PALLD: variants seen among roughly 807,000 people sequenced by gnomAD.
PALLD encodes palladin, cytoskeletal associated protein.
In PALLD, 61 loss-of-function variants were observed where a neutral mutation model predicts 123.5. The observed-to-expected ratio is 0.49, with a 90% confidence interval of 0.40 to 0.61. PALLD has a LOEUF of 0.61. Among genes scored for constraint, PALLD ranks in the 20% least tolerant of loss-of-function variants. The pLI is 0.00. For synonymous variants in PALLD, 465 were observed against 496.4 expected, an observed-to-expected ratio of 0.94 and a Z score of 0.84; for missense variants, 1,273 against 1,377.0, an observed-to-expected ratio of 0.92 and a Z score of 1.20.
chr4:168,499,553 T>TAAAG (rs1487857560), intron 1 of PALLD, among the ~76,000 whole-genome samples: 3 of 151,904 alleles, frequency 2.0e-5, no homozygotes, highest in African/African-American at 7.3e-5. Context: ...AATATGAAAA[T>TAAAG]AAAACTGCTA....
intron 2 of PALLD, among the ~76,000 whole-genome samples, chr4:168,519,077 A>G (rs949570943): frequency 6.6e-5 from 10 of 152,260 alleles, no homozygotes; most frequent in African/African-American, 2.4e-4. Context: ...TTACATGGAC[A>G]GATGTTTGCA....
At chr4:168,896,727 GT>G in intron 13 of PALLD, 128 bp downstream of exon 13, 1 of 624,094 alleles carries the variant, frequency 1.6e-6, no homozygotes, top group Non-Finnish European at 2.8e-6. Context: ...ACCAGTGTCT[GT>G]TTCATTTAAT....
At chr4:168,540,125 C>T (rs1163279103) in intron 2 of PALLD, among the ~76,000 whole-genome samples, 1 of 152,178 alleles carries the variant, frequency 6.6e-6, no homozygotes, top group Non-Finnish European at 1.5e-5. Context: ...ATGACCAAGT[C>T]ATCCCAGTCT....
At chr4:168,633,342 C>A (rs1186619328) in intron 2 of PALLD, among the ~76,000 whole-genome samples, 2 of 152,196 alleles carry the variant, frequency 1.3e-5, no homozygotes, top group Non-Finnish European at 2.9e-5. Context: ...TATGAGCATG[C>A]ATTTGAGCTT....
chr4:168,886,889 C>T (rs1753405395), intron 10 of PALLD, among the ~76,000 whole-genome samples: 2 of 151,892 alleles, frequency 1.3e-5, no homozygotes, highest in Non-Finnish European at 2.9e-5. Context: ...GAGGCCGAGG[C>T]GGGCGGATCA....
At chr4:168,881,867 G>A (rs939362147) in intron 10 of PALLD, among the ~76,000 whole-genome samples, 1 of 152,174 alleles carries the variant, frequency 6.6e-6, no homozygotes, top group African/African-American at 2.4e-5. Flanking sequence ...ATTTGGCAGT[G>A]CCGACAGGCA....
chr4:168,646,216 G>A (rs1227973781), intron 2 of PALLD, among the ~76,000 whole-genome samples: 1 of 152,194 alleles, frequency 6.6e-6, no homozygotes, highest in East Asian at 1.9e-4. Flanking sequence ...TGCTATGCCT[G>A]CTGCCTCCCA....
At chr4:168,573,155 T>C (rs1285837316) in intron 2 of PALLD, among the ~76,000 whole-genome samples, 1 of 151,614 alleles carries the variant, frequency 6.6e-6, no homozygotes, top group Non-Finnish European at 1.5e-5. Flanking sequence ...CCTGTGCATT[T>C]CCAGTTCCTT....
intron 10 of PALLD, among the ~76,000 whole-genome samples, chr4:168,726,215 G>A (rs1448046112): frequency 6.6e-6 from 1 of 152,130 alleles, no homozygotes; most frequent in Non-Finnish European, 1.5e-5. Context: ...GAAATGTTAG[G>A]AATTTTTTAT....
rs200145539 is a variant in PALLD at position 168,511,857 on chromosome 4, C to G, written c.353C>G (p.Ser118Ter). Residue 118 changes from serine (S) to a stop codon, truncating the protein, a stop_gained, in exon 2 of 22, where the codon TCA becomes TGA. Coordinates refer to ENST00000505667, the MANE Select transcript of PALLD (RefSeq NM_001166108.2). LOFTEE classifies it high-confidence loss of function. ...KQTKSISSPVSKRKPAMSPLL... is the reference protein window; with the variant it reads ...KQTKSISSPV Reference sequence around the variant, plus strand: ...ACTAAGAGTATCTCTTCACCTGTTTCAAAGAGGAAACCTGCCATGTCACCC... The same window carrying G: ...ACTAAGAGTATCTCTTCACCTGTTTGAAAGAGGAAACCTGCCATGTCACCC... 30 of 1,613,972 alleles carry G rather than the reference C, an allele frequency of 1.9e-5. No homozygotes were observed. Among genetic ancestry groups the G allele is most frequent in the Non-Finnish European group, 2.5e-5 (29 of 1,179,986 alleles).
Position 168,685,439 on chromosome 4 carries a change from C to G in PALLD, c.1261-46C>G, listed in dbSNP as rs1351744196. ...AGGTTTCTTCAGCCCATCTTTTAGG[C>G]AATTTATATATTTAGAATTTGATCC... On this transcript the variant is annotated intron_variant, in intron 5 of 21. Transcript: ENST00000505667. 4 of 1,244,652 alleles carry G rather than the reference C, an allele frequency of 3.2e-6. No homozygotes were observed. The East Asian group carries it at 9.3e-5, about 29-fold the overall frequency. The allele number at this position is 1,244,652 out of a possible 1,614,324, so 77.1% of individuals were successfully genotyped here. A position where few individuals can be genotyped will look rare whatever the true frequency, so the allele number is the denominator to read the frequency against.
intron 2 of PALLD, among the ~76,000 whole-genome samples, chr4:168,558,433 C>T (rs980382643): frequency 2.0e-5 from 3 of 152,160 alleles, no homozygotes; most frequent in Admixed American, 1.3e-4. Flanking sequence ...GTAGAGGTGG[C>T]CCTTCCTCCA....
chr4:168,562,097 TAA>T (rs11424900), intron 2 of PALLD, among the ~76,000 whole-genome samples: 5 of 145,038 alleles, frequency 3.4e-5, no homozygotes, highest in Non-Finnish European at 4.6e-5. Flanking sequence ...GTCACAAGGA[TAA>T]AAAAAAAAAA....
At chr4:168,612,496 G>A (rs963505851) in intron 2 of PALLD, among the ~76,000 whole-genome samples, 7 of 152,176 alleles carry the variant, frequency 4.6e-5, no homozygotes, top group African/African-American at 1.7e-4. Flanking sequence ...AATCTGTCCA[G>A]CAGCTGAACA....
At chr4:168,741,343 TTTTTTGTGTG>T (rs67709769) in intron 10 of PALLD, among the ~76,000 whole-genome samples, 49,921 of 112,540 alleles carry the variant, frequency 0.44, 8,784 homozygotes, top group South Asian at 0.48. Context: ...TATATTTGTT[TTTTTTGTGTG>T]TGTGTGTGTG....
At chr4:168,725,955 C>T (rs1786538538) in intron 10 of PALLD, among the ~76,000 whole-genome samples, 1 of 152,142 alleles carries the variant, frequency 6.6e-6, no homozygotes, top group African/African-American at 2.4e-5. Flanking sequence ...ATGTGCCTTC[C>T]CTTCCCTCAT....
At chr4:168,638,257 T>C (rs1320380225) in intron 2 of PALLD, among the ~76,000 whole-genome samples, 1 of 152,186 alleles carries the variant, frequency 6.6e-6, no homozygotes, top group Non-Finnish European at 1.5e-5. Flanking sequence ...GATAAGCATC[T>C]TGCCCAAGAT....
chr4:168,836,093 T>C (rs1745143971), intron 10 of PALLD, among the ~76,000 whole-genome samples: 1 of 152,192 alleles, frequency 6.6e-6, no homozygotes, highest in South Asian at 2.1e-4. Context: ...TGACCGTAAT[T>C]GGTAACATAA....
chr4:168,499,285 T>TGGGAGGGAGGATGGGAGGGAGGAA, intron 1 of PALLD, among the ~76,000 whole-genome samples: 1 of 23,550 alleles, frequency 4.2e-5, no homozygotes, highest in South Asian at 2.4e-3. Flanking sequence ...GGAGGGAGGA[T>TGGGAGGGAGGATGGGAGGGAGGAA]GGGAGGGAGG....
Sources: gnomAD v4.1 joint callset for allele counts (sites outside exome capture counted in the v4.1 genomes callset) on GRCh38, gnomAD v4.1.1 for gene constraint, MANE v1.5 for transcripts, NCBI Gene and HGNC (gene_info 2026-07-23, HGNC 2026-07-21) for gene names.